ARID3A: variants seen among roughly 807,000 people sequenced by gnomAD.
ARID3A encodes the protein AT-rich interaction domain 3A, also known as AT-rich interactive domain-containing protein 3A.
In ARID3A, 11 loss-of-function variants were observed where a neutral mutation model predicts 52.7. The observed-to-expected ratio is 0.21, with a 90% CI of 0.13 to 0.35. The LOEUF (loss-of-function observed/expected upper bound fraction) is 0.35, where lower values mean the gene tolerates loss of function less well. ARID3A is among the 10% of genes least tolerant of loss of function. The probability of loss-of-function intolerance (pLI) is 1.00; values close to 1 mark genes in which losing one functional copy is unlikely to be tolerated. For missense variants in ARID3A, 721 were observed against 838.5 expected (o/e 0.86, Z 1.73); for synonymous variants, 404 against 359.4 (o/e 1.12, Z -1.40).
intron 6 of ARID3A, among the ~76,000 whole-genome samples, chr19:965,710 G>A (rs370364040): frequency 4.1e-4 from 63 of 152,118 alleles, no homozygotes; most frequent in Admixed American, 1.1e-3. Flanking sequence ...AATTTTTTTA[G>A]GCCAGGCACA....
chr19:962,661 C>T (rs893204757), intron 4 of ARID3A, among the ~76,000 whole-genome samples: 65 of 151,912 alleles, frequency 4.3e-4, no homozygotes, highest in Admixed American at 2.2e-3. Flanking sequence ...ATTACAGGCG[C>T]CCGCCACCAC....
Position 947,047 on chromosome 19 carries a change from G to A in ARID3A, c.694-13045G>A, listed in dbSNP as rs1229968962. 4.6e-5 allele frequency among the ~76,000 whole-genome samples: 7 copies of A among 150,852 alleles called. No individual in the cohort carries two copies. The highest frequency in any genetic ancestry group is 3.2e-3 in the Middle Eastern group (1 of 314). Reference sequence around the variant, plus strand: ...TGGGCTCGAGCAGTCTGCCCACCTCGGCCTCCCACAGTGCTGGGATCAAAG... The same window carrying A: ...TGGGCTCGAGCAGTCTGCCCACCTCAGCCTCCCACAGTGCTGGGATCAAAG... On this transcript the variant is annotated intron_variant, in intron 3 of 8. Transcript: ENST00000263620. The surrounding 1 kb of genome is among the most constrained non-coding windows in gnomAD (Gnocchi z 6.3).
At chr19:946,350 C>T (rs2037679700) in intron 3 of ARID3A, among the ~76,000 whole-genome samples, 1 of 151,884 alleles carries the variant, frequency 6.6e-6, no homozygotes, top group South Asian at 2.1e-4. Flanking sequence ...CAAGCTCCGC[C>T]TCCCGGGTTC....
chr19:954,695 C>T (rs1048940019), intron 3 of ARID3A, among the ~76,000 whole-genome samples: 1 of 152,194 alleles, frequency 6.6e-6, no homozygotes, highest in East Asian at 1.9e-4. Context: ...GAGGTGATAT[C>T]GGTCCTGGGA....
At position 938,507 on chromosome 19, in the gene ARID3A, C is replaced by T. The variant is rs750072103; in HGVS notation, c.693+5765C>T. Among the ~76,000 whole-genome samples, 1 of 152,214 alleles carries T rather than the reference C, an allele frequency of 6.6e-6. No homozygotes were observed. The highest frequency in any genetic ancestry group is 1.5e-5 in the Non-Finnish European group (1 of 68,042). ...GCTGGAATTTGACCCCCGGGATGCA[C>T]CTGCCAGAGAGGACCCAGCGGTGTG... On this transcript the variant is annotated intron_variant, in intron 3 of 8. Coordinates refer to ENST00000263620, the MANE Select transcript of ARID3A (RefSeq NM_005224.3). This position sits in a 1 kb window ranked among gnomAD's most constrained non-coding sequence, Gnocchi z 4.0.
chr19:943,268 G>GAAAAAAAA (rs869103814), intron 3 of ARID3A, among the ~76,000 whole-genome samples: 1 of 84,914 alleles, frequency 1.2e-5, no homozygotes. Context: ...GTCAAAAAAA[G>GAAAAAAAA]AAAAAAAAAA....
chr19:929,490 G>A lies in ARID3A; in HGVS notation c.-39G>A, dbSNP rs776646207. ...GCCCACCCCTAGCGCCCGTGGTGGT[G>A]GTGGTGGTGGTGGTGGTGGTGGCCC... is the stretch of plus-strand genomic sequence containing the variant. On this transcript the variant is annotated 5_prime_UTR_variant, in exon 2 of 9. Transcript: ENST00000263620. This position sits in a 1 kb window ranked among gnomAD's most constrained non-coding sequence, Gnocchi z 6.2. 1.3e-6 allele frequency: 2 copies of A among 1,489,438 alleles called. No homozygotes were observed. The highest frequency in any genetic ancestry group is 1.2e-5 in the South Asian group (1 of 80,598). The allele number at this position is 1,489,438 out of a possible 1,614,324, so 92.3% of individuals were successfully genotyped here. A position where few individuals can be genotyped will look rare whatever the true frequency, so the allele number is the denominator to read the frequency against.
chr19:932,041 G>A (rs2037341411), intron 2 of ARID3A, among the ~76,000 whole-genome samples: 1 of 151,934 alleles, frequency 6.6e-6, no homozygotes, highest in African/African-American at 2.4e-5. Flanking sequence ...TGTGGCCCAG[G>A]CTGGAGTGCA....
chr19:931,847 GA>G (rs1176806696), intron 2 of ARID3A, among the ~76,000 whole-genome samples: 1 of 151,598 alleles, frequency 6.6e-6, no homozygotes, highest in Non-Finnish European at 1.5e-5. Flanking sequence ...CGGCTGCCAA[GA>G]AAGTCTAGGA....
In ARID3A at chr19:973,104, A is replaced by ATTTTTTTTTATTTTTTTTTTTTTTTTTTT. The variant is rs2038315135; in HGVS notation, c.*1048_*1049insATTTTTTTTTTTTTTTTTTTTTTTTTTTT. On this transcript the variant is annotated 3_prime_UTR_variant, in exon 9 of 9. Coordinates refer to ENST00000263620, the MANE Select transcript of ARID3A (RefSeq NM_005224.3). ...GGGCTCTCGAGTCAGGGGCCTGGAA[A>ATTTTTTTTTATTTTTTTTTTTTTTTTTTT]TTTTTTTTTTTTTTTTTTTTTGAGA... is the stretch of plus-strand genomic sequence containing the variant. 1.9e-5 allele frequency: 1 copy of ATTTTTTTTTATTTTTTTTTTTTTTTTTTT among 53,488 alleles called. No homozygotes were observed. Among genetic ancestry groups the ATTTTTTTTTATTTTTTTTTTTTTTTTTTT allele is most frequent in the African/African-American group, 7.0e-5 (1 of 14,224 alleles). 3.3% of individuals were successfully genotyped at this position (53,488 alleles called of 1,614,324 possible). A position where few individuals can be genotyped will look rare whatever the true frequency, so the allele number is the denominator to read the frequency against.
At chr19:932,232 A>G (rs1422483995) in intron 2 of ARID3A, among the ~76,000 whole-genome samples, 186 bp from the exon 3 acceptor site, 3 of 152,080 alleles carry the variant, frequency 2.0e-5, no homozygotes, top group Admixed American at 2.0e-4. Flanking sequence ...GGCTAATTGG[A>G]AACAAAGTGG....
intron 3 of ARID3A, among the ~76,000 whole-genome samples, chr19:937,897 A>T (rs2145372475): frequency 6.6e-6 from 1 of 151,712 alleles, no homozygotes; most frequent in South Asian, 2.1e-4. Context: ...TTTAGTAGAG[A>T]TGGGGTTTCA....
intron 2 of ARID3A, 82 bp from the exon 3 acceptor site, chr19:932,336 G>C: frequency 6.4e-7 from 1 of 1,557,424 alleles, no homozygotes; most frequent in Non-Finnish European, 8.6e-7. Context: ...GGGAAACTGA[G>C]GCTGGGCGGG....
At chr19:940,569 GAGA>G (rs1419672602) in intron 3 of ARID3A, among the ~76,000 whole-genome samples, 6 of 152,142 alleles carry the variant, frequency 3.9e-5, no homozygotes, top group Admixed American at 6.5e-5. Flanking sequence ...TCTGGGGCCT[GAGA>G]AGAAGGAGAA....
rs1047525758 is a variant in ARID3A, at chr19:941,162, A to G, written c.693+8420A>G. On this transcript the variant is annotated intron_variant, in intron 3 of 8. Transcript: ENST00000263620. This position sits in a 1 kb window ranked among gnomAD's most constrained non-coding sequence, Gnocchi z 6.9. ...TTCTAATAACACACGCGGCAGCCCG[A>G]GGGAGCGGTGCCCGCAGGCAGAGAG... Among the ~76,000 whole-genome samples the G allele has an allele frequency of 6.6e-6, 1 of 152,140 alleles. No individual in the cohort carries two copies. Among genetic ancestry groups the G allele is most frequent in the Non-Finnish European group, 1.5e-5 (1 of 68,000 alleles).
chr19:968,450 A>ACGGCAG lies in ARID3A; in HGVS notation c.1543_1548dup (p.Gly515_Ser516dup). ...TCTGCTGTGAACCTGACGGGCACCA[A>ACGGCAG]CGGCAGCAACAGCATCAGCATGTCG... On this transcript the variant is annotated inframe_insertion, in exon 8 of 9. Transcript: ENST00000263620. 1 of 1,614,104 alleles carries ACGGCAG rather than the reference A, an allele frequency of 6.2e-7. No homozygotes were observed. The highest frequency in any genetic ancestry group is 8.5e-7 in the Non-Finnish European group (1 of 1,179,984).
At chr19:946,511 G>T (rs2037685171) in intron 3 of ARID3A, among the ~76,000 whole-genome samples, 1 of 148,688 alleles carries the variant, frequency 6.7e-6, no homozygotes, top group Non-Finnish European at 1.5e-5. Context: ...CGCGGTCTTG[G>T]CTCACTGCAA....
At chr19:957,216 C>T (rs1186238889) in intron 3 of ARID3A, among the ~76,000 whole-genome samples, 1 of 152,170 alleles carries the variant, frequency 6.6e-6, no homozygotes, top group African/African-American at 2.4e-5. Flanking sequence ...TCCTCCCCAG[C>T]CACCACCCTG....
chr19:931,400 C>T (rs1357343844), intron 2 of ARID3A, among the ~76,000 whole-genome samples: 3 of 119,366 alleles, frequency 2.5e-5, no homozygotes, highest in East Asian at 3.1e-4. Flanking sequence ...TGCAGTGAGC[C>T]GAGATCGTGC....
Sources: allele counts gnomAD v4.1 joint callset (sites outside exome capture counted in the v4.1 genomes callset), GRCh38; gene constraint gnomAD v4.1.1; non-coding constraint Gnocchi (gnomAD v3.1); transcripts MANE v1.5; gene names NCBI Gene and HGNC (gene_info 2026-07-23, HGNC 2026-07-21).